GALNT13: variants seen among roughly 807,000 people sequenced by gnomAD.
GALNT13 encodes the protein polypeptide N-acetylgalactosaminyltransferase 13.
A neutral mutation model predicts 64.2 loss-of-function variants in GALNT13; 28 were observed. The ratio of observed to expected loss-of-function variants is 0.44; its 90% confidence interval spans 0.32 to 0.60. The LOEUF is 0.60. Ranked by LOEUF, GALNT13 falls within the 20% of genes least tolerant of loss-of-function variation. The pLI, the probability that GALNT13 is intolerant of heterozygous loss-of-function variation, is 0.05. For synonymous variants in GALNT13, 214 were observed against 224.6 expected (o/e 0.95, Z 0.42); for missense variants, 577 against 669.8 (o/e 0.86, Z 1.53).
At chr2:153,253,466 C>A in the GALNT13 span, among the ~76,000 whole-genome samples, 1 of 141,434 alleles carries the variant, frequency 7.1e-6, no homozygotes, top group South Asian at 2.3e-4. Context: ...TTATTTCCTT[C>A]TGCTGCCTAA....
chr2:153,428,954 T>C, the GALNT13 span, among the ~76,000 whole-genome samples: 1 of 152,154 alleles, frequency 6.6e-6, no homozygotes, highest in East Asian at 1.9e-4. Context: ...AACATTCTTG[T>C]CCAGTCACCA....
the GALNT13 span, among the ~76,000 whole-genome samples, chr2:153,215,276 T>A: frequency 2.2e-4 from 34 of 152,194 alleles, no homozygotes; most frequent in Middle Eastern, 3.4e-3. Context: ...TTTCCTGTCA[T>A]CCGCCAGAGA....
At chr2:153,752,718 G>T in the GALNT13 span, among the ~76,000 whole-genome samples, 2 of 151,932 alleles carry the variant, frequency 1.3e-5, no homozygotes, top group Non-Finnish European at 2.9e-5. Flanking sequence ...AATACTTTCA[G>T]TTAGTCTTCC....
At chr2:154,219,305 A>G (rs1030001406) in intron 4 of GALNT13, among the ~76,000 whole-genome samples, 1 of 152,066 alleles carries the variant, frequency 6.6e-6, no homozygotes, top group Non-Finnish European at 1.5e-5. Flanking sequence ...TTTTAAAGGT[A>G]AGGAAATTAG....
At chr2:153,104,302 T>C in the GALNT13 span, among the ~76,000 whole-genome samples, 1 of 152,228 alleles carries the variant, frequency 6.6e-6, no homozygotes, top group Admixed American at 6.5e-5. Flanking sequence ...GTTCACAGTC[T>C]AGATACAGCC....
At chr2:153,805,745 A>G in the GALNT13 span, among the ~76,000 whole-genome samples, 1 of 152,048 alleles carries the variant, frequency 6.6e-6, no homozygotes, top group South Asian at 2.1e-4. Context: ...AAACTATGGT[A>G]TATGTAATGT....
chr2:153,595,189 A>C, the GALNT13 span, among the ~76,000 whole-genome samples: 1 of 151,992 alleles, frequency 6.6e-6, no homozygotes, highest in Non-Finnish European at 1.5e-5. Context: ...TACTTATATG[A>C]TTTGAAGTGT....
At chr2:153,220,313 G>A in the GALNT13 span, among the ~76,000 whole-genome samples, 3 of 152,210 alleles carry the variant, frequency 2.0e-5, no homozygotes, top group African/African-American at 7.2e-5. Flanking sequence ...CCAGGGAGAG[G>A]CAGTTTCCCA....
At chr2:154,024,549 C>G (rs915615968) in intron 3 of GALNT13, among the ~76,000 whole-genome samples, 2 of 152,178 alleles carry the variant, frequency 1.3e-5, no homozygotes, top group African/African-American at 4.8e-5. Context: ...CCATCAGGTC[C>G]TTTAAGGACT....
At chr2:153,228,110 G>T in the GALNT13 span, among the ~76,000 whole-genome samples, 1 of 152,166 alleles carries the variant, frequency 6.6e-6, no homozygotes, top group East Asian at 1.9e-4. Context: ...GTTGTAGAAG[G>T]GTGTAATGCA....
the GALNT13 span, among the ~76,000 whole-genome samples, chr2:153,445,805 T>C: frequency 6.6e-6 from 1 of 152,166 alleles, no homozygotes; most frequent in Non-Finnish European, 1.5e-5. Context: ...TTATACTTGA[T>C]AGTGAATAAT....
At chr2:153,907,877 ATG>A (rs998777610) in intron 2 of GALNT13, among the ~76,000 whole-genome samples, 3 of 152,090 alleles carry the variant, frequency 2.0e-5, no homozygotes, top group African/African-American at 7.2e-5. Flanking sequence ...ATATGTGTGC[ATG>A]TGTCTTTATG....
At chr2:153,583,655 G>A in the GALNT13 span, among the ~76,000 whole-genome samples, 2 of 152,270 alleles carry the variant, frequency 1.3e-5, no homozygotes, top group South Asian at 4.1e-4. Context: ...AACTTAGGGA[G>A]TGACTATGAG....
At chr2:154,149,832 A>C (rs1683868637) in intron 4 of GALNT13, among the ~76,000 whole-genome samples, 1 of 152,070 alleles carries the variant, frequency 6.6e-6, no homozygotes, top group Admixed American at 6.6e-5. Context: ...TTTGGGCTGA[A>C]ACAATAGAGT....
intron 11 of GALNT13, among the ~76,000 whole-genome samples, chr2:154,417,509 A>ATTTTTTTTTTTTTT (rs1202687837): frequency 2.2e-5 from 3 of 133,402 alleles, no homozygotes; most frequent in African/African-American, 9.3e-5. Context: ...TTATTTATTT[A>ATTTTTTTTTTTTTT]TTTATTTATT....
At chr2:154,068,402 TAGACATA>T (rs1700576257) in intron 3 of GALNT13, among the ~76,000 whole-genome samples, 8 of 151,878 alleles carry the variant, frequency 5.3e-5, no homozygotes, top group Admixed American at 5.3e-4. Flanking sequence ...GTCTAAGATA[TAGACATA>T]CTCCCATGTT....
the GALNT13 span, among the ~76,000 whole-genome samples, chr2:153,550,434 T>C: frequency 1.3e-5 from 2 of 152,038 alleles, no homozygotes; most frequent in African/African-American, 4.8e-5. Flanking sequence ...GGTTTTGCCA[T>C]GTTGGCCAGG....
the GALNT13 span, among the ~76,000 whole-genome samples, chr2:153,153,972 A>G: frequency 1.3e-5 from 2 of 152,204 alleles, no homozygotes; most frequent in African/African-American, 4.8e-5. Context: ...CATTGAATCT[A>G]TAAATTGCTT....
At chr2:153,288,311 AT>A in the GALNT13 span, among the ~76,000 whole-genome samples, 1 of 152,306 alleles carries the variant, frequency 6.6e-6, no homozygotes, top group South Asian at 2.1e-4. Context: ...ATGGATGTAT[AT>A]ACCTTTTAAT....
Sources: gnomAD v4.1 joint callset for allele counts (sites outside exome capture counted in the v4.1 genomes callset) on GRCh38, gnomAD v4.1.1 for gene constraint, MANE v1.5 for transcripts, NCBI Gene and HGNC (gene_info 2026-07-23, HGNC 2026-07-21) for gene names.